Variants in ATP1B3 observed in about 807,000 individuals in gnomAD.
The protein encoded by ATP1B3 is ATPase Na+/K+ transporting subunit beta 3, also known as sodium/potassium-transporting ATPase subunit beta-3.
ATP1B3 carries 10 observed loss-of-function variants against 30.2 expected under a neutral mutation model. That is an observed-to-expected ratio of 0.33 (90% CI 0.20 to 0.56). The LOEUF (loss-of-function observed/expected upper bound fraction) is 0.56, where lower values mean the gene tolerates loss of function less well. Among genes scored for constraint, ATP1B3 ranks in the 20% least tolerant of loss-of-function variants. The pLI is 0.90. For synonymous variants in ATP1B3, 113 were observed against 117.0 expected (o/e 0.97, Z 0.22); for missense variants, 238 against 336.7 (o/e 0.71, Z 2.29).
At chr3:141,879,448 A>G (rs1300412063) in intron 1 of ATP1B3, among the ~76,000 whole-genome samples, 1 of 152,064 alleles carries the variant, frequency 6.6e-6, no homozygotes, top group Non-Finnish European at 1.5e-5. Flanking sequence ...CACTGAGGCT[A>G]TTTTTACCTG....
At chr3:141,908,089 T>TA (rs1553744972) in intron 3 of ATP1B3, among the ~76,000 whole-genome samples, 3 of 130,568 alleles carry the variant, frequency 2.3e-5, no homozygotes, top group South Asian at 2.3e-4. Flanking sequence ...TTTTTTTTTT[T>TA]ATTATACTTT....
At chr3:141,882,239 A>G (rs1472185874) in intron 1 of ATP1B3, among the ~76,000 whole-genome samples, 1 of 152,196 alleles carries the variant, frequency 6.6e-6, no homozygotes, top group Non-Finnish European at 1.5e-5. Flanking sequence ...TTGAAAGATA[A>G]ATTTAATTAT....
In ATP1B3 at chr3:141,926,251, G is replaced by C. The variant is rs1451922290; in HGVS notation, c.*550G>C. On this transcript the variant is annotated 3_prime_UTR_variant, in exon 7 of 7. Transcript: ENST00000286371. ...ATTTTTTACATGCTGAATTAGCCTC[G>C]ATCTTTTTGATTAAGAGCACAAACT... is the stretch of plus-strand genomic sequence containing the variant. 1 of 151,752 alleles carries C rather than the reference G, an allele frequency of 6.6e-6. No individual in the cohort carries two copies. The highest frequency in any genetic ancestry group is 1.5e-5 in the Non-Finnish European group (1 of 67,994). 9.4% of individuals were successfully genotyped at this position (151,752 alleles called of 1,614,324 possible). A position where few individuals can be genotyped will look rare whatever the true frequency, so the allele number is the denominator to read the frequency against.
chr3:141,901,274 C>T (rs186223791), intron 1 of ATP1B3, among the ~76,000 whole-genome samples: 24 of 152,258 alleles, frequency 1.6e-4, no homozygotes, highest in African/African-American at 5.1e-4. Flanking sequence ...GTCAGGACGC[C>T]GCCATTTAGA....
At chr3:141,877,242 C>T (rs1577952795) in intron 1 of ATP1B3, among the ~76,000 whole-genome samples, 1 of 151,954 alleles carries the variant, frequency 6.6e-6, no homozygotes, top group South Asian at 2.1e-4. Context: ...TGCCCGAAGC[C>T]GGGCCCCGAG....
At chr3:141,879,383 T>C (rs1933671329) in intron 1 of ATP1B3, among the ~76,000 whole-genome samples, 1 of 152,170 alleles carries the variant, frequency 6.6e-6, no homozygotes, top group Non-Finnish European at 1.5e-5. Flanking sequence ...TTCCAGGAAG[T>C]TTCTAACAAT....
At position 141,876,854 on chromosome 3, in the gene ATP1B3, T is replaced by C; in HGVS notation, c.53T>C (p.Leu18Pro). ...SLNQSLAEWK[L>P]FIYNPTTGEF... ...AACCAGAGCCTGGCCGAGTGGAAGC[T>C]CTTCATCTACAACCCGACCACCGGA... The change falls in exon 1 of 7, where the codon CTC becomes CCC. Residue 18 changes from leucine (L) to proline (P), a missense_variant. By Grantham distance (98) the Leu-to-Pro change is moderately conservative. Coordinates refer to ENST00000286371, the MANE Select transcript of ATP1B3 (RefSeq NM_001679.4). 1 of 1,584,774 alleles carries C rather than the reference T, an allele frequency of 6.3e-7. No individual in the cohort carries two copies. The highest frequency in any genetic ancestry group is 8.6e-7 in the Non-Finnish European group (1 of 1,165,646).
intron 1 of ATP1B3, among the ~76,000 whole-genome samples, chr3:141,900,793 GT>G (rs768525093): frequency 6.6e-6 from 1 of 151,742 alleles, no homozygotes. Flanking sequence ...TCTTGTTTTT[GT>G]TTTTTTGAGA....
At chr3:141,891,239 C>T (rs1182773813) in intron 1 of ATP1B3, among the ~76,000 whole-genome samples, 1 of 152,058 alleles carries the variant, frequency 6.6e-6, no homozygotes, top group African/African-American at 2.4e-5. Context: ...GCTCTGTATT[C>T]GTGATTGTAA....
intron 1 of ATP1B3, among the ~76,000 whole-genome samples, chr3:141,888,161 T>A (rs1259629093): frequency 1.3e-5 from 2 of 152,250 alleles, no homozygotes; most frequent in African/African-American, 4.8e-5. Flanking sequence ...AATTGTAGAA[T>A]CTTGATGGGT....
intron 1 of ATP1B3, among the ~76,000 whole-genome samples, chr3:141,888,791 TC>T (rs1189239171): frequency 6.6e-6 from 1 of 152,060 alleles, no homozygotes; most frequent in East Asian, 1.9e-4. Context: ...AAATGGGAGT[TC>T]CCCTGCGCAC....
At chr3:141,896,314 C>CAA (rs545571151) in intron 1 of ATP1B3, among the ~76,000 whole-genome samples, 5,966 of 143,936 alleles carry the variant, frequency 0.041, 389 homozygotes, top group African/African-American at 0.14. Flanking sequence ...AGTAAAATTA[C>CAA]AAAAAAAAAA....
intron 1 of ATP1B3, among the ~76,000 whole-genome samples, chr3:141,902,765 A>C (rs1934187798): frequency 6.6e-6 from 1 of 152,038 alleles, no homozygotes; most frequent in Non-Finnish European, 1.5e-5. Flanking sequence ...CTTGTTTCTG[A>C]CCTTGTCCTT....
chr3:141,907,288 C>T lies in ATP1B3; in HGVS notation c.346+14C>T. ...AGTTTCTAAAACGTGAGTATGTTTT[C>T]TTAGAGTAAGGTCAGAGATTTTAGT... On this transcript the variant is annotated intron_variant, in intron 3 of 6. Transcript: ENST00000286371. 1 of 1,591,760 alleles carries T rather than the reference C, an allele frequency of 6.3e-7. No homozygotes were observed. The highest frequency in any genetic ancestry group is 8.6e-7 in the Non-Finnish European group (1 of 1,162,966).
At position 141,907,415 on chromosome 3, in the gene ATP1B3, C is replaced by T; in HGVS notation, c.346+141C>T. On this transcript the variant is annotated intron_variant, in intron 3 of 6. Transcript: ENST00000286371. ...CGGGCAGATCACCTGAGGTTAGGAG[C>T]CAGGTCTTGGACCTGGCCAACATGG... 3.7e-6 allele frequency: 2 copies of T among 542,350 alleles called. 1 individual carries two copies. The highest frequency in any genetic ancestry group is 1.0e-3 in the Middle Eastern group (2 of 1,970). The allele number at this position is 542,350 out of a possible 1,614,324, so 33.6% of individuals were successfully genotyped here.
At chr3:141,904,357 G>A (rs940733577) in intron 2 of ATP1B3, among the ~76,000 whole-genome samples, 1 of 151,488 alleles carries the variant, frequency 6.6e-6, no homozygotes, top group African/African-American at 2.4e-5. Context: ...TCTAGTAAAA[G>A]CCACGTTTGA....
intron 5 of ATP1B3, chr3:141,921,519 A>T (rs1414763605): frequency 6.6e-6 from 1 of 152,346 alleles, no homozygotes; most frequent in East Asian, 1.9e-4. Context: ...GCTGTCTCCC[A>T]GGCCTGAGTG....
chr3:141,880,007 GGT>G (rs1933693044), intron 1 of ATP1B3, among the ~76,000 whole-genome samples: 1 of 151,384 alleles, frequency 6.6e-6, no homozygotes, highest in South Asian at 2.1e-4. Context: ...TAGGACTCCT[GGT>G]GTGTCTACCC....
chr3:141,893,706 A>G (rs1577960887), intron 1 of ATP1B3, among the ~76,000 whole-genome samples: 2 of 152,264 alleles, frequency 1.3e-5, no homozygotes, highest in Non-Finnish European at 2.9e-5. Context: ...GTGTGTGCAT[A>G]TGCTGTATTC....
Sources: gnomAD v4.1 joint callset for allele counts (sites outside exome capture counted in the v4.1 genomes callset) on GRCh38, gnomAD v4.1.1 for gene constraint, MANE v1.5 for transcripts, NCBI Gene and HGNC (gene_info 2026-07-23, HGNC 2026-07-21) for gene names.